The following TNS3 variants were observed in gnomAD, a reference collection of about 807,000 sequenced individuals.
The protein encoded by TNS3 is tensin-3.
Under a neutral mutation model 140.9 loss-of-function variants are expected in TNS3, and 45 were observed. That is an observed-to-expected ratio of 0.32 (90% CI 0.25 to 0.41). The LOEUF is 0.41. TNS3 is among the 10% of genes least tolerant of loss of function. The probability of loss-of-function intolerance (pLI) is 1.00; values close to 1 mark genes in which losing one functional copy is unlikely to be tolerated. For synonymous variants in TNS3, 815 were observed against 788.4 expected, an observed-to-expected ratio of 1.03 and a Z score of -0.56; for missense variants, 1,716 against 1,906.7, an observed-to-expected ratio of 0.90 and a Z score of 1.86.
intron 2 of TNS3, among the ~76,000 whole-genome samples, chr7:47,509,295 T>C (rs12668436): frequency 0.23 from 35,661 of 152,076 alleles, 4,366 homozygotes; most frequent in East Asian, 0.4. Context: ...GCAGGGCCAT[T>C]GTTTCTGGTA....
chr7:47,560,822 C>G (rs1040949736), intron 1 of TNS3, among the ~76,000 whole-genome samples: 1 of 152,170 alleles, frequency 6.6e-6, no homozygotes, highest in Non-Finnish European at 1.5e-5. Flanking sequence ...AGTGAGGAAC[C>G]CAGGCGCCAC....
intron 12 of TNS3, among the ~76,000 whole-genome samples, chr7:47,413,623 C>T (rs1216270369): frequency 2.6e-5 from 4 of 151,832 alleles, no homozygotes; most frequent in African/African-American, 4.8e-5. Flanking sequence ...CCCTTGAAAA[C>T]CAAGGGGCCA....
intron 4 of TNS3, among the ~76,000 whole-genome samples, chr7:47,455,511 T>C (rs900115120): frequency 6.6e-6 from 1 of 152,128 alleles, no homozygotes; most frequent in Non-Finnish European, 1.5e-5. Flanking sequence ...GCAGCCCTGC[T>C]TCCCTTTCAT....
chr7:47,354,473 G>A (rs1410221815), intron 17 of TNS3, among the ~76,000 whole-genome samples: 1 of 152,078 alleles, frequency 6.6e-6, no homozygotes, highest in African/African-American at 2.4e-5. Flanking sequence ...GGGTGGGGCA[G>A]GGGGGCACCT....
chr7:47,524,795 C>T (rs1398105404), intron 2 of TNS3, among the ~76,000 whole-genome samples: 1 of 106,482 alleles, frequency 9.4e-6, no homozygotes, highest in African/African-American at 4.2e-5. Context: ...GGCGACAGAG[C>T]GAGACTCCGT....
chr7:47,460,171 C>T (rs1562769456), intron 4 of TNS3, among the ~76,000 whole-genome samples: 1 of 148,848 alleles, frequency 6.7e-6, no homozygotes, highest in Non-Finnish European at 1.5e-5. Flanking sequence ...CGAGATCGCA[C>T]CACTGCACTC....
chr7:47,501,630 C>T (rs1359696756), intron 3 of TNS3, among the ~76,000 whole-genome samples: 2 of 152,146 alleles, frequency 1.3e-5, no homozygotes, highest in Non-Finnish European at 2.9e-5. Context: ...AAAGCAGCAG[C>T]TCCCACAGCC....
intron 1 of TNS3, among the ~76,000 whole-genome samples, chr7:47,568,014 C>A (rs998129442): frequency 9.2e-5 from 14 of 152,200 alleles, no homozygotes; most frequent in African/African-American, 3.4e-4. Context: ...TTCTAAGCTG[C>A]CTCCACTTTG....
intron 4 of TNS3, among the ~76,000 whole-genome samples, chr7:47,462,285 C>T (rs556495884): frequency 6.6e-6 from 1 of 152,184 alleles, no homozygotes; most frequent in Non-Finnish European, 1.5e-5. Flanking sequence ...GCAAGTTATT[C>T]CACATCCACT....
In TNS3 at chr7:47,393,939, G is replaced by A. The variant is rs568157638; in HGVS notation, c.1024+2861C>T. Among the ~76,000 whole-genome samples, 37 of 151,194 alleles carry A rather than the reference G, an allele frequency of 2.4e-4. No individual in the cohort carries two copies. The East Asian group carries it at 4.1e-3, about 17-fold the overall frequency. On this transcript the variant is annotated intron_variant, in intron 16 of 30. Coordinates refer to ENST00000311160, the MANE Select transcript of TNS3 (RefSeq NM_022748.12). Reference sequence around the variant, plus strand: ...TGGCAATGCCAGACCTTCTCTACTCGCCCCTAGACCCAACTCTCGGTGACA... The same window carrying A: ...TGGCAATGCCAGACCTTCTCTACTCACCCCTAGACCCAACTCTCGGTGACA...
intron 3 of TNS3, among the ~76,000 whole-genome samples, chr7:47,483,374 T>G (rs1797496776): frequency 6.6e-6 from 1 of 152,082 alleles, no homozygotes; most frequent in Non-Finnish European, 1.5e-5. Flanking sequence ...TTTCACTGTG[T>G]GAGCCAGGAT....
At chr7:47,562,486 A>C (rs1584859171) in intron 1 of TNS3, among the ~76,000 whole-genome samples, 1 of 151,904 alleles carries the variant, frequency 6.6e-6, no homozygotes, top group African/African-American at 2.4e-5. Flanking sequence ...TCCCGGGTTC[A>C]AGCGATTCTC....
At position 47,467,086 on chromosome 7, in the gene TNS3, C is replaced by T. The variant is rs1796750765; in HGVS notation, c.-76+14017G>A. Among the ~76,000 whole-genome samples, 4 of 152,148 alleles carry T rather than the reference C, an allele frequency of 2.6e-5. No homozygotes were observed. In the South Asian group the frequency reaches 8.3e-4, roughly 31 times the overall value. ...TATGTTAGATAATTACATCTGTGTC[C>T]AAAGTACAAAGCTAACAGCTATTAC... is the stretch of plus-strand genomic sequence containing the variant. On this transcript the variant is annotated intron_variant, in intron 4 of 30. Coordinates refer to ENST00000311160, the MANE Select transcript of TNS3 (RefSeq NM_022748.12).
At chr7:47,418,770 C>T (rs1468779586) in intron 10 of TNS3, among the ~76,000 whole-genome samples, 1 of 152,270 alleles carries the variant, frequency 6.6e-6, no homozygotes, top group Admixed American at 6.5e-5. Flanking sequence ...CCACTTCTAA[C>T]AGCAAAAACT....
chr7:47,351,890 AG>A (rs1789696282), intron 17 of TNS3, among the ~76,000 whole-genome samples: 1 of 152,128 alleles, frequency 6.6e-6, no homozygotes, highest in Admixed American at 6.5e-5. Context: ...CCTCTCTCAC[AG>A]GAACACACCC....
chr7:47,415,015 T>C (rs1793997521), intron 11 of TNS3, 79 bp downstream of exon 11: 1 of 1,058,834 alleles, frequency 9.4e-7, no homozygotes, highest in Admixed American at 2.4e-5. Flanking sequence ...AGCCGAGGCT[T>C]ATCTAAATTG....
intron 17 of TNS3, among the ~76,000 whole-genome samples, chr7:47,365,633 G>A (rs149803933): frequency 0.14 from 20,955 of 151,792 alleles, 1,642 homozygotes; most frequent in South Asian, 0.18. Flanking sequence ...GCGTGATGGC[G>A]GGCGCCTGTA....
chr7:47,541,443 C>T (rs1352948040), intron 1 of TNS3, among the ~76,000 whole-genome samples: 1 of 152,122 alleles, frequency 6.6e-6, no homozygotes, highest in African/African-American at 2.4e-5. Flanking sequence ...AGTCACCCCC[C>T]AATGAGCCTG....
chr7:47,326,009 T>C (rs1465014215), intron 20 of TNS3, among the ~76,000 whole-genome samples: 2 of 152,208 alleles, frequency 1.3e-5, no homozygotes, highest in African/African-American at 4.8e-5. Flanking sequence ...ACGGGAGCTT[T>C]CACTGTGCTT....
Sources: gnomAD v4.1 joint callset for allele counts (sites outside exome capture counted in the v4.1 genomes callset) on GRCh38, gnomAD v4.1.1 for gene constraint, MANE v1.5 for transcripts, NCBI Gene and HGNC (gene_info 2026-07-23, HGNC 2026-07-21) for gene names.